Variants in HEATR5A observed in about 807,000 individuals in gnomAD.
HEATR5A encodes the protein HEAT repeat-containing protein 5A.
HEATR5A carries 178 observed loss-of-function variants against 218.8 expected under a neutral mutation model. The observed-to-expected ratio is 0.81, with a 90% confidence interval of 0.72 to 0.92. HEATR5A has a LOEUF of 0.92. Ranked by LOEUF, HEATR5A falls within the 40% of genes least tolerant of loss-of-function variation. The probability of loss-of-function intolerance (pLI) is 0.00; values close to 1 mark genes in which losing one functional copy is unlikely to be tolerated. For missense variants in HEATR5A, 2,420 were observed against 2,418.9 expected (o/e 1.00, Z -0.01); for synonymous variants, 864 against 871.6 (o/e 0.99, Z 0.15).
intron 31 of HEATR5A, among the ~76,000 whole-genome samples, chr14:31,306,156 T>A (rs888900819): frequency 6.6e-6 from 1 of 152,244 alleles, no homozygotes; most frequent in African/African-American, 2.4e-5. Flanking sequence ...ATATCTAAAC[T>A]AACATGTAGA....
chr14:31,392,998 C>T (rs1384839046), intron 6 of HEATR5A, among the ~76,000 whole-genome samples: 1 of 152,076 alleles, frequency 6.6e-6, no homozygotes, highest in East Asian at 1.9e-4. Context: ...AAAACAACAA[C>T]AATGAAATCA....
chr14:31,322,033 A>G (rs1284420595), intron 24 of HEATR5A, among the ~76,000 whole-genome samples: 4 of 152,184 alleles, frequency 2.6e-5, no homozygotes, highest in African/African-American at 9.7e-5. Context: ...TTAAGCAGAA[A>G]TTTATTTTCT....
At chr14:31,406,043 T>A (rs2031048781) in intron 1 of HEATR5A, among the ~76,000 whole-genome samples, 1 of 152,194 alleles carries the variant, frequency 6.6e-6, no homozygotes, top group South Asian at 2.1e-4. Context: ...GAGCTCCACA[T>A]TCGCACTACC....
At chr14:31,337,454 T>C in intron 22 of HEATR5A, 22 bp downstream of exon 22, 1 of 1,540,122 alleles carries the variant, frequency 6.5e-7, no homozygotes, top group Non-Finnish European at 8.8e-7. Context: ...GAGCTGGACA[T>C]AATCTTGATC....
rs188148087 is a variant in HEATR5A, at chr14:31,304,997, G to T, written c.5147C>A (p.Thr1716Lys). ...KLTGSPGVKA[T>K]KPQILLEDGS... Reference sequence around the variant, plus strand: ...ATCTTCTAATAGTATCTGTGGCTTCGTAGCTTTTACTCCTGGGCTACCTGT... The same window carrying T: ...ATCTTCTAATAGTATCTGTGGCTTCTTAGCTTTTACTCCTGGGCTACCTGT... The change falls in exon 32 of 36, where the codon ACG becomes AAG. Residue 1716 changes from threonine to lysine, a missense_variant. By Grantham distance (78) the Thr-to-Lys change is moderately conservative (BLOSUM62 -1). Coordinates refer to ENST00000543095, the MANE Select transcript of HEATR5A (RefSeq NM_015473.4). 1.1e-5 allele frequency: 17 copies of T among 1,613,920 alleles called. No individual in the cohort carries two copies. The highest frequency in any genetic ancestry group is 1.7e-5 in the Admixed American group (1 of 60,006).
At chr14:31,360,097 A>T (rs1901568024) in intron 14 of HEATR5A, among the ~76,000 whole-genome samples, 1 of 151,338 alleles carries the variant, frequency 6.6e-6, no homozygotes, top group South Asian at 2.1e-4. Flanking sequence ...TCAGTATTCA[A>T]ATTTCCAACT....
intron 31 of HEATR5A, 75 bp downstream of exon 31, chr14:31,306,657 T>C (rs576965799): frequency 4.3e-6 from 6 of 1,392,360 alleles, no homozygotes; most frequent in Non-Finnish European, 4.8e-6. Context: ...ATCAAAACTA[T>C]ATAGATACAT....
In HEATR5A at chr14:31,420,543, CA is replaced by C. The variant is rs1555373200; in HGVS notation, c.-147del. On this transcript the variant is annotated 5_prime_UTR_variant, in exon 1 of 36. Coordinates refer to ENST00000543095, the MANE Select transcript of HEATR5A (RefSeq NM_015473.4). ...TTACCGGCTGCTCTGCTAACCCTAG[CA>C]GAGTCTGGAATTGCCGGCGGCGGCG... 6.6e-6 allele frequency: 1 copy of C among 152,488 alleles called. No individual in the cohort carries two copies. Among genetic ancestry groups the C allele is most frequent in the Non-Finnish European group, 1.5e-5 (1 of 68,258 alleles). 9.4% of individuals were successfully genotyped at this position (152,488 alleles called of 1,614,324 possible).
chr14:31,400,129 C>T (rs2030817001), intron 3 of HEATR5A, 172 bp downstream of exon 3: 1 of 484,288 alleles, frequency 2.1e-6, no homozygotes. Flanking sequence ...AGAATTGTTT[C>T]TCAGCAACTA....
chr14:31,293,565 AAAGG>A lies in HEATR5A; in HGVS notation c.5877_5880del (p.Leu1960TrpfsTer12). 2 of 1,613,616 alleles carry A rather than the reference AAAGG, an allele frequency of 1.2e-6. No individual in the cohort carries two copies. The highest frequency in any genetic ancestry group is 1.7e-6 in the Non-Finnish European group (2 of 1,179,774). On this transcript the variant is annotated frameshift_variant, in exon 36 of 36. Transcript: ENST00000543095. LOFTEE classifies it high-confidence loss of function. Reference sequence around the variant, plus strand: ...GCTGATCCCAGAGAATTTTCATCCAAAAGGAAGGAAATGAGGATGGGCAAAAGAC... The same window carrying A: ...GCTGATCCCAGAGAATTTTCATCCAAAAGGAAATGAGGATGGGCAAAAGAC...
intron 24 of HEATR5A, 40 bp from the exon 25 acceptor site, chr14:31,321,720 G>C: frequency 7.0e-7 from 1 of 1,430,826 alleles, no homozygotes; most frequent in South Asian, 1.4e-5. Context: ...AAAAAGATTA[G>C]AAAATATCAA....
intron 28 of HEATR5A, among the ~76,000 whole-genome samples, chr14:31,309,892 G>A (rs1043667622): frequency 4.0e-5 from 6 of 151,818 alleles, no homozygotes; most frequent in African/African-American, 9.7e-5. Context: ...TAGTAGAGAT[G>A]GGGTTTCACC....
At chr14:31,387,478 A>C (rs2030275855) in intron 7 of HEATR5A, 103 bp from the exon 8 acceptor site, 1 of 882,512 alleles carries the variant, frequency 1.1e-6, no homozygotes, top group African/African-American at 1.7e-5. Flanking sequence ...TATTCCTTAT[A>C]AATTGTATTC....
Position 31,305,060 on chromosome 14 carries a change from A to C in HEATR5A, c.5084T>G (p.Ile1695Ser). Residue 1695 changes from isoleucine (I) to serine (S), a missense_variant, in exon 32 of 36, where the codon ATT becomes AGT. By Grantham distance (142) the Ile-to-Ser change is moderately radical. Transcript: ENST00000543095. ...TAATTCTGGGAGCTGTCTAACTAGAATGCATACACACAATTCCAGTGTTGC... is the reference window on the plus strand; with the variant it reads ...TAATTCTGGGAGCTGTCTAACTAGACTGCATACACACAATTCCAGTGTTGC... ...VFATLELCVCILVRQLPELNP... is the reference protein window; with the variant it reads ...VFATLELCVCSLVRQLPELNP... 1 of 1,613,956 alleles carries C rather than the reference A, an allele frequency of 6.2e-7. No homozygotes were observed.
At chr14:31,332,900 C>T (rs994184155) in intron 22 of HEATR5A, among the ~76,000 whole-genome samples, 3 of 151,588 alleles carry the variant, frequency 2.0e-5, no homozygotes, top group African/African-American at 4.8e-5. Context: ...GCAGAAGACT[C>T]GCTTGAACCC....
In HEATR5A at chr14:31,383,513, A is replaced by C; in HGVS notation, c.1596+8T>G. ...CTCATTATCATACATAGAGAATGAAATCATTACCTTGCCTTTTCCATGAGG... is the reference window on the plus strand; with the variant it reads ...CTCATTATCATACATAGAGAATGAACTCATTACCTTGCCTTTTCCATGAGG... On this transcript the variant is annotated splice_region_variant and intron_variant, in intron 10 of 35. Transcript: ENST00000543095. 1 of 1,607,882 alleles carries C rather than the reference A, an allele frequency of 6.2e-7. No homozygotes were observed. The highest frequency in any genetic ancestry group is 8.5e-7 in the Non-Finnish European group (1 of 1,175,516).
intron 22 of HEATR5A, among the ~76,000 whole-genome samples, chr14:31,331,157 C>T (rs942370296): frequency 6.6e-6 from 1 of 152,022 alleles, no homozygotes; most frequent in Non-Finnish European, 1.5e-5. Flanking sequence ...CCAGGCTGGT[C>T]TCAAACTCCT....
At chr14:31,313,494 CTAA>C (rs1265741250) in intron 27 of HEATR5A, among the ~76,000 whole-genome samples, 1 of 152,108 alleles carries the variant, frequency 6.6e-6, no homozygotes, top group Non-Finnish European at 1.5e-5. Flanking sequence ...CTGGTATGGC[CTAA>C]TAATCCATCT....
intron 21 of HEATR5A, among the ~76,000 whole-genome samples, chr14:31,341,302 C>CT (rs1223340370): frequency 2.0e-5 from 3 of 151,058 alleles, no homozygotes; most frequent in African/African-American, 2.4e-5. Context: ...TCATATGTAA[C>CT]TTTTTTTTTG....
Sources: gnomAD v4.1 joint callset for allele counts (sites outside exome capture counted in the v4.1 genomes callset) on GRCh38, gnomAD v4.1.1 for gene constraint, MANE v1.5 for transcripts, NCBI Gene and HGNC (gene_info 2026-07-23, HGNC 2026-07-21) for gene names.